The following LHCGR variants were observed in gnomAD, a reference collection of about 807,000 sequenced individuals.
LHCGR encodes the protein lutropin-choriogonadotropic hormone receptor.
A neutral mutation model predicts 60.7 loss-of-function variants in LHCGR; 55 were observed. The observed-to-expected ratio is 0.91, with a 90% confidence interval of 0.73 to 1.13. The LOEUF (loss-of-function observed/expected upper bound fraction) is 1.13, where lower values mean the gene tolerates loss of function less well. Among genes scored for constraint, LHCGR ranks in the 50% most tolerant of loss-of-function variants. LHCGR has a pLI of 0.00. For missense variants in LHCGR, 862 were observed against 836.0 expected (o/e 1.03, Z -0.38); for synonymous variants, 337 against 316.5 (o/e 1.06, Z -0.69).
chr2:48,750,792 G>A (rs1669922709), intron 1 of LHCGR, among the ~76,000 whole-genome samples: 1 of 152,218 alleles, frequency 6.6e-6, no homozygotes, highest in African/African-American at 2.4e-5. Flanking sequence ...CAAAACCAAG[G>A]GGTGGGGAGG....
intron 8 of LHCGR, among the ~76,000 whole-genome samples, chr2:48,699,879 G>C (rs936100647): frequency 1.3e-5 from 2 of 152,190 alleles, no homozygotes; most frequent in African/African-American, 4.8e-5. Flanking sequence ...GAGTCAATGG[G>C]AATTAAACAA....
intron 1 of LHCGR, among the ~76,000 whole-genome samples, chr2:48,743,497 G>A (rs1360540902): frequency 6.6e-6 from 1 of 152,126 alleles, no homozygotes; most frequent in African/African-American, 2.4e-5. Context: ...TATCCACCAT[G>A]ATCAAGTGGG....
chr2:48,716,657 T>C (rs7559583), intron 6 of LHCGR, among the ~76,000 whole-genome samples: 21,294 of 152,256 alleles, frequency 0.14, 1,778 homozygotes, highest in South Asian at 0.27. Flanking sequence ...AACCTTGTTG[T>C]TTCCTTAGAA....
intron 4 of LHCGR, among the ~76,000 whole-genome samples, chr2:48,723,907 C>T (rs907218799): frequency 2.0e-5 from 3 of 152,198 alleles, no homozygotes; most frequent in Non-Finnish European, 4.4e-5. Context: ...GGAGAAGATG[C>T]TTTAATGACT....
chr2:48,723,498 G>A lies in LHCGR; in HGVS notation c.494C>T (p.Pro165Leu). 1 of 1,612,406 alleles carries A rather than the reference G, an allele frequency of 6.2e-7. No individual in the cohort carries two copies. The highest frequency in any genetic ancestry group is 8.5e-7 in the Non-Finnish European group (1 of 1,178,492). Residue 165 changes from proline (P) to leucine (L), a missense_variant, in exon 6 of 11, where the codon CCA becomes CTA. Coordinates refer to ENST00000294954, the MANE Select transcript of LHCGR (RefSeq NM_000233.4). ...ATTCATCCCTTGAAAAGCATTTCCT[G>A]GTATGGTGGTTATGTGTAAGTTATC... ...ICDNLHITTI[P>L]GNAFQGMNNE...
chr2:48,751,863 C>A (rs958660743), intron 1 of LHCGR, among the ~76,000 whole-genome samples: 1 of 152,122 alleles, frequency 6.6e-6, no homozygotes, highest in Non-Finnish European at 1.5e-5. Context: ...TCAGTAGGTA[C>A]AACATGCAAA....
At chr2:48,689,166 T>C (rs1160170484) in intron 10 of LHCGR, among the ~76,000 whole-genome samples, 1 of 148,134 alleles carries the variant, frequency 6.8e-6, no homozygotes, top group Non-Finnish European at 1.5e-5. Context: ...TATACACACA[T>C]ATATACATAT....
intron 1 of LHCGR, among the ~76,000 whole-genome samples, chr2:48,734,257 G>T (rs4952922): frequency 0.15 from 22,362 of 152,118 alleles, 2,176 homozygotes; most frequent in East Asian, 0.32. Context: ...AAGAAATTAC[G>T]GAGATATAAT....
chr2:48,694,166 A>C, intron 10 of LHCGR, 58 bp downstream of exon 10: 1 of 994,976 alleles, frequency 1.0e-6, no homozygotes. Context: ...GATGCTGATA[A>C]TAAGGTGCAC....
chr2:48,708,541 TACCC>T (rs997136659), intron 8 of LHCGR, among the ~76,000 whole-genome samples: 9 of 33,934 alleles, frequency 2.7e-4, no homozygotes, highest in East Asian at 8.6e-4. Context: ...AATTTGGAGA[TACCC>T]ACCCACACAC....
At chr2:48,735,104 A>G (rs1035443278) in intron 1 of LHCGR, among the ~76,000 whole-genome samples, 7 of 152,246 alleles carry the variant, frequency 4.6e-5, no homozygotes, top group Non-Finnish European at 8.8e-5. Flanking sequence ...AGATGTTGAA[A>G]CAAATGCTTC....
At chr2:48,726,021 C>T (rs1302484196) in intron 3 of LHCGR, among the ~76,000 whole-genome samples, 1 of 152,012 alleles carries the variant, frequency 6.6e-6, no homozygotes, top group East Asian at 1.9e-4. Flanking sequence ...ACCCTCCCAC[C>T]CCTCTCCCCC....
chr2:48,692,760 C>G (rs1572814572), intron 10 of LHCGR, among the ~76,000 whole-genome samples: 1 of 152,168 alleles, frequency 6.6e-6, no homozygotes, highest in Non-Finnish European at 1.5e-5. Flanking sequence ...TAGTGGCTGG[C>G]TCTAGAATTT....
intron 8 of LHCGR, among the ~76,000 whole-genome samples, chr2:48,706,508 C>T (rs1667683963): frequency 6.6e-6 from 1 of 152,194 alleles, no homozygotes. Flanking sequence ...CCATTCTCCC[C>T]ATCACTTTCA....
chr2:48,717,284 T>C (rs2104439289), intron 6 of LHCGR, among the ~76,000 whole-genome samples: 1 of 152,330 alleles, frequency 6.6e-6, no homozygotes, highest in Non-Finnish European at 1.5e-5. Flanking sequence ...GCTTTTCTGT[T>C]AGACTCACAG....
In LHCGR at chr2:48,713,948, T is replaced by C. The variant is rs372800704; in HGVS notation, c.605+38A>G. ...ATCTTGTAGCCAGAGTAATATTTCATTTTTATTCCTGAGCTGGGGAAATAA... is the reference window on the plus strand; with the variant it reads ...ATCTTGTAGCCAGAGTAATATTTCACTTTTATTCCTGAGCTGGGGAAATAA... On this transcript the variant is annotated intron_variant, in intron 7 of 10. Transcript: ENST00000294954. 8.0e-4 allele frequency: 1,160 copies of C among 1,457,284 alleles called. 6 individuals are homozygous for C. In the South Asian group the frequency reaches 0.01, roughly 13 times the overall value. 90.3% of individuals were successfully genotyped at this position (1,457,284 alleles called of 1,614,324 possible).
At chr2:48,752,860 G>C (rs922671445) in intron 1 of LHCGR, among the ~76,000 whole-genome samples, 5 of 151,238 alleles carry the variant, frequency 3.3e-5, no homozygotes, top group African/African-American at 1.2e-4. Context: ...ATTCCTTCCT[G>C]CAGTCCTCTT....
At chr2:48,714,766 T>C (rs372057357) in intron 6 of LHCGR, among the ~76,000 whole-genome samples, 1 of 151,904 alleles carries the variant, frequency 6.6e-6, no homozygotes, top group African/African-American at 2.4e-5. Flanking sequence ...CACACACACA[T>C]ACATGTATAC....
intron 3 of LHCGR, 48 bp from the exon 4 acceptor site, chr2:48,725,798 T>A: frequency 7.1e-7 from 1 of 1,404,592 alleles, no homozygotes; most frequent in Non-Finnish European, 1.0e-6. Context: ...TAGATGTGTA[T>A]TGTTTGAAAT....
Sources: allele counts gnomAD v4.1 joint callset (sites outside exome capture counted in the v4.1 genomes callset), GRCh38; gene constraint gnomAD v4.1.1; transcripts MANE v1.5; gene names NCBI Gene and HGNC (gene_info 2026-07-23, HGNC 2026-07-21).